Variants in RNF6 observed in about 807,000 individuals in gnomAD.
RNF6 encodes the protein E3 ubiquitin-protein ligase RNF6.
A neutral mutation model predicts 50.1 loss-of-function variants in RNF6; 21 were observed. That is an observed-to-expected ratio of 0.42 (90% CI 0.30 to 0.60). RNF6 has a LOEUF of 0.60. Ranked by LOEUF, RNF6 falls within the 20% of genes least tolerant of loss-of-function variation. RNF6 has a pLI of 0.20. For missense variants in RNF6, 698 were observed against 838.2 expected (o/e 0.83, Z 2.07); for synonymous variants, 255 against 291.8 (o/e 0.87, Z 1.29).
At chr13:26,190,577 C>G (rs547300270) in intron 5 of RNF6, among the ~76,000 whole-genome samples, 1 of 152,292 alleles carries the variant, frequency 6.6e-6, no homozygotes, top group South Asian at 2.1e-4. Context: ...TTCTTCTGTT[C>G]AGTTACGATT....
At chr13:26,206,685 T>C (rs1252715342) in intron 5 of RNF6, among the ~76,000 whole-genome samples, 3 of 152,204 alleles carry the variant, frequency 2.0e-5, no homozygotes, top group Non-Finnish European at 4.4e-5. Flanking sequence ...AAGCTTTTAA[T>C]GTAGAAGCTA....
intron 1 of RNF6, 104 bp from the exon 2 acceptor site, chr13:26,221,434 C>A (rs1374276342): frequency 6.6e-6 from 1 of 152,178 alleles, no homozygotes; most frequent in African/African-American, 2.4e-5. Flanking sequence ...AGCAAATTCT[C>A]CAGTGGATTT....
At position 26,177,928 on chromosome 13, in the gene RNF6, G is replaced by C. The variant is rs560648847; in HGVS notation, n.768+37546C>G. ...CAACTGGGTGCAGTGGCTCATGTCTGTAATCCCAGCACTTTGGGAGGCCAA... is the reference window on the plus strand; with the variant it reads ...CAACTGGGTGCAGTGGCTCATGTCTCTAATCCCAGCACTTTGGGAGGCCAA... On this transcript the variant is annotated intron_variant and non_coding_transcript_variant, in intron 5 of 5. Transcript: ENST00000468480. Among the ~76,000 whole-genome samples the C allele has an allele frequency of 2.8e-3, 427 of 152,310 alleles. 2 individuals are homozygous for C. Among genetic ancestry groups the C allele is most frequent in the Middle Eastern group, 0.01 (3 of 294 alleles).
At chr13:26,210,713 C>G (rs1869287128), downstream of RNF6, among the ~76,000 whole-genome samples, 1 of 152,214 alleles carries the variant, frequency 6.6e-6, no homozygotes, top group Admixed American at 6.5e-5. Flanking sequence ...CAAATAGCCA[C>G]GTGATTGACT....
chr13:26,179,720 C>T (rs1052694978), intron 5 of RNF6, among the ~76,000 whole-genome samples: 2 of 152,222 alleles, frequency 1.3e-5, no homozygotes, highest in Admixed American at 6.5e-5. Flanking sequence ...CCACCTCACA[C>T]ACCCAGCGAC....
At chr13:26,210,015 T>C (rs1869258266), downstream of RNF6, among the ~76,000 whole-genome samples, 1 of 152,138 alleles carries the variant, frequency 6.6e-6, no homozygotes, top group African/African-American at 2.4e-5. Context: ...AGGGCAAATA[T>C]ATTCAGGGAC....
intron 5 of RNF6, among the ~76,000 whole-genome samples, chr13:26,176,714 C>A (rs1011071867): frequency 6.6e-6 from 1 of 152,172 alleles, no homozygotes; most frequent in African/African-American, 2.4e-5. Context: ...AGGTGGAACA[C>A]CTGAGGTCAG....
At chr13:26,179,991 C>A (rs1873158841) in intron 5 of RNF6, among the ~76,000 whole-genome samples, 1 of 152,090 alleles carries the variant, frequency 6.6e-6, no homozygotes, top group South Asian at 2.1e-4. Flanking sequence ...AGCCAGCGAC[C>A]CTGCTTCTGG....
intron 5 of RNF6, among the ~76,000 whole-genome samples, chr13:26,182,376 G>C (rs1873284410): frequency 7.6e-6 from 1 of 132,124 alleles, no homozygotes; most frequent in Non-Finnish European, 1.6e-5. Context: ...TGTTACATAG[G>C]ACAGAATGCC....
chr13:26,194,410 C>G (rs1868578224), intron 5 of RNF6, among the ~76,000 whole-genome samples: 1 of 152,130 alleles, frequency 6.6e-6, no homozygotes, highest in Non-Finnish European at 1.5e-5. Flanking sequence ...GTGAAGTTTA[C>G]AGTCCAGAGG....
At chr13:26,155,166 G>T (rs1341867165) in intron 5 of RNF6, among the ~76,000 whole-genome samples, 1 of 152,086 alleles carries the variant, frequency 6.6e-6, no homozygotes, top group African/African-American at 2.4e-5. Flanking sequence ...AAATCTGGGA[G>T]GCTGAGGCAG....
Position 26,161,799 on chromosome 13 carries a change from C to T in RNF6, n.769-29348G>A, listed in dbSNP as rs369129482. The stretch of plus-strand genomic sequence containing the variant: ...GCTGTTTTTGTCAGGTTCACCTCAA[C>T]GCACTCTTCCCCCTTTGCCCTGCCT... On this transcript the variant is annotated intron_variant and non_coding_transcript_variant, in intron 5 of 5. Coordinates refer to the RNF6 transcript ENST00000468480. Among the ~76,000 whole-genome samples, 369 of 152,248 alleles carry T rather than the reference C, an allele frequency of 2.4e-3. 1 individual carries two copies. The highest frequency in any genetic ancestry group is 8.6e-3 in the African/African-American group (357 of 41,548).
At chr13:26,149,723 A>G (rs1871451972) in intron 5 of RNF6, among the ~76,000 whole-genome samples, 1 of 151,672 alleles carries the variant, frequency 6.6e-6, no homozygotes, top group Non-Finnish European at 1.5e-5. Flanking sequence ...GAGGGAGTAG[A>G]GCAAAGTGGT....
At chr13:26,161,564 C>T (rs1474444518) in intron 5 of RNF6, among the ~76,000 whole-genome samples, 1 of 152,050 alleles carries the variant, frequency 6.6e-6, no homozygotes, top group Non-Finnish European at 1.5e-5. Flanking sequence ...TACTACATGA[C>T]CTTTGTTACT....
intron 5 of RNF6, among the ~76,000 whole-genome samples, chr13:26,133,444 T>C (rs1039899003): frequency 3.3e-5 from 5 of 152,316 alleles, no homozygotes; most frequent in Admixed American, 3.3e-4. Flanking sequence ...CTTCCAGGAC[T>C]CTGGTGACAT....
chr13:26,199,750 TAG>T (rs762644568), intron 5 of RNF6, among the ~76,000 whole-genome samples: 6 of 152,166 alleles, frequency 3.9e-5, no homozygotes, highest in Middle Eastern at 3.4e-3. Context: ...AGGACACCTA[TAG>T]AGAGAGAGAC....
chr13:26,184,427 ATGT>A (rs142917855), intron 5 of RNF6, among the ~76,000 whole-genome samples: 2,993 of 152,324 alleles, frequency 0.02, 104 homozygotes, highest in African/African-American at 0.067. Context: ...TGAAAAAGAC[ATGT>A]TGTTGTATAA....
At chr13:26,195,355 A>C (rs1868619719) in intron 5 of RNF6, among the ~76,000 whole-genome samples, 1 of 152,194 alleles carries the variant, frequency 6.6e-6, no homozygotes, top group South Asian at 2.1e-4. Context: ...CTGAAAAGCA[A>C]AGAGGACAAA....
chr13:26,156,234 A>G (rs1229472004), intron 5 of RNF6, among the ~76,000 whole-genome samples: 4 of 152,222 alleles, frequency 2.6e-5, no homozygotes, highest in Non-Finnish European at 2.9e-5. Context: ...TTAACACTGG[A>G]CAACACTGAA....
Sources: gnomAD v4.1 joint callset for allele counts (sites outside exome capture counted in the v4.1 genomes callset) on GRCh38, gnomAD v4.1.1 for gene constraint, MANE v1.5 for transcripts, NCBI Gene and HGNC (gene_info 2026-07-23, HGNC 2026-07-21) for gene names.